Variants in PRKAA1 observed in about 807,000 individuals in gnomAD.
PRKAA1 encodes the protein 5'-AMP-activated protein kinase catalytic subunit alpha-1.
A neutral mutation model predicts 56.9 loss-of-function variants in PRKAA1; 23 were observed. The observed-to-expected ratio is 0.40, with a 90% confidence interval of 0.29 to 0.57. The LOEUF is 0.57. Ranked by LOEUF, PRKAA1 falls within the 20% of genes least tolerant of loss-of-function variation. The probability of loss-of-function intolerance (pLI) is 0.39; values close to 1 mark genes in which losing one functional copy is unlikely to be tolerated. For synonymous variants in PRKAA1, 226 were observed against 227.0 expected, an observed-to-expected ratio of 1.00 and a Z score of 0.04; for missense variants, 413 against 679.7, an observed-to-expected ratio of 0.61 and a Z score of 4.36.
intron 1 of PRKAA1, among the ~76,000 whole-genome samples, chr5:40,790,373 C>T (rs564770737): frequency 7.2e-5 from 11 of 152,344 alleles, no homozygotes; most frequent in African/African-American, 2.4e-4. Context: ...TGAGTATCAA[C>T]TGCTCCTTAT....
At chr5:40,763,073 A>AT in intron 8 of PRKAA1, 51 bp from the exon 9 acceptor site, 3 of 1,588,000 alleles carry the variant, frequency 1.9e-6, no homozygotes, top group Non-Finnish European at 2.6e-6. Context: ...TCTCCCAAAA[A>AT]TTTTTGTAAC....
rs1464850293 is a variant in PRKAA1, at chr5:40,760,639, T to G, written c.*2139A>C. ...GGAACTTCTATTACTTTGTACAGCT[T>G]TCAAATTAGAAGTTGAATAGAACAA... On this transcript the variant is annotated 3_prime_UTR_variant, in exon 9 of 9. Transcript: ENST00000397128. 1 of 152,714 alleles carries G rather than the reference T, an allele frequency of 6.5e-6. No individual in the cohort carries two copies. The highest frequency in any genetic ancestry group is 1.5e-5 in the Non-Finnish European group (1 of 67,988). 9.5% of individuals were successfully genotyped at this position (152,714 alleles called of 1,614,324 possible). A position where few individuals can be genotyped will look rare whatever the true frequency, so the allele number is the denominator to read the frequency against.
chr5:40,772,908 C>T (rs1561173254), intron 3 of PRKAA1, among the ~76,000 whole-genome samples: 1 of 152,212 alleles, frequency 6.6e-6, no homozygotes, highest in Non-Finnish European at 1.5e-5. Context: ...GCTGAGATTA[C>T]AGACATGTGC....
At chr5:40,773,068 G>A (rs768532645) in intron 3 of PRKAA1, among the ~76,000 whole-genome samples, 3 of 152,138 alleles carry the variant, frequency 2.0e-5, no homozygotes, top group Non-Finnish European at 2.9e-5. Context: ...TCCTCTAGGC[G>A]AAGGACTCCA....
At chr5:40,793,523 A>G (rs1327535635) in intron 1 of PRKAA1, among the ~76,000 whole-genome samples, 3 of 152,238 alleles carry the variant, frequency 2.0e-5, no homozygotes, top group South Asian at 2.1e-4. Flanking sequence ...CTGCATATCA[A>G]TATCATATAT....
At chr5:40,789,961 T>C (rs1489164897) in intron 1 of PRKAA1, 1 of 152,226 alleles carries the variant, frequency 6.6e-6, no homozygotes, top group African/African-American at 2.4e-5. Context: ...GGAATGGCCT[T>C]CATTGGTTGC....
At chr5:40,785,944 A>AC (rs1744462504) in intron 1 of PRKAA1, among the ~76,000 whole-genome samples, 1 of 151,946 alleles carries the variant, frequency 6.6e-6, no homozygotes, top group Non-Finnish European at 1.5e-5. Flanking sequence ...AAACCAAGGA[A>AC]CATCAGGAGC....
intron 2 of PRKAA1, among the ~76,000 whole-genome samples, chr5:40,776,036 G>A (rs1332250311): frequency 1.3e-5 from 2 of 152,176 alleles, no homozygotes; most frequent in African/African-American, 2.4e-5. Flanking sequence ...AAAAGCTATC[G>A]TACGTTTTAA....
Position 40,762,622 on chromosome 5 carries a change from T to C in PRKAA1, c.*156A>G. ...TAATTCATTTCTGCATATTAGGCTT[T>C]TAACTATAAATCATGTTCCAATCCC... On this transcript the variant is annotated 3_prime_UTR_variant, in exon 9 of 9. Coordinates refer to ENST00000397128, the MANE Select transcript of PRKAA1 (RefSeq NM_006251.6). The C allele has an allele frequency of 1.1e-6, 1 of 914,732 alleles. No homozygotes were observed. The highest frequency in any genetic ancestry group is 1.6e-6 in the Non-Finnish European group (1 of 624,338). 56.7% of individuals were successfully genotyped at this position (914,732 alleles called of 1,614,324 possible). A position where few individuals can be genotyped will look rare whatever the true frequency, so the allele number is the denominator to read the frequency against.
chr5:40,773,841 T>C (rs566374265), intron 3 of PRKAA1, among the ~76,000 whole-genome samples: 1 of 152,206 alleles, frequency 6.6e-6, no homozygotes, highest in Non-Finnish European at 1.5e-5. Context: ...TTTACTCTAG[T>C]AAGGCTGAAC....
chr5:40,763,138 TTATTCTAAA>T, intron 8 of PRKAA1, 116 bp from the exon 9 acceptor site: 1 of 926,800 alleles, frequency 1.1e-6, no homozygotes, highest in Non-Finnish European at 1.6e-6. Context: ...AAGAGCACGC[TTATTCTAAA>T]TACCTTCTAA....
At chr5:40,788,147 C>G (rs1333946114) in intron 1 of PRKAA1, among the ~76,000 whole-genome samples, 1 of 152,194 alleles carries the variant, frequency 6.6e-6, no homozygotes, top group Non-Finnish European at 1.5e-5. Flanking sequence ...GTAATTAAAA[C>G]AGCACGGCAC....
At chr5:40,784,101 G>C (rs1744373131) in intron 1 of PRKAA1, among the ~76,000 whole-genome samples, 1 of 152,196 alleles carries the variant, frequency 6.6e-6, no homozygotes, top group Admixed American at 6.5e-5. Context: ...TATAGCAAGT[G>C]ATTGATAAAT....
chr5:40,783,166 T>A (rs1047472849), intron 1 of PRKAA1, among the ~76,000 whole-genome samples: 4 of 152,092 alleles, frequency 2.6e-5, no homozygotes, highest in African/African-American at 9.7e-5. Context: ...AGAATTTGAT[T>A]TAAAAGTTGA....
In PRKAA1 at chr5:40,769,436, T is replaced by C; in HGVS notation, c.576A>G (p.Ala192=). 1 of 1,609,936 alleles carries C rather than the reference T, an allele frequency of 6.2e-7. No homozygotes were observed. Among genetic ancestry groups the C allele is most frequent in the Non-Finnish European group, 8.5e-7 (1 of 1,177,144 alleles). Residue 192 remains alanine (A), a synonymous_variant, in exon 5 of 9, where the codon GCA becomes GCG. Coordinates refer to ENST00000397128, the MANE Select transcript of PRKAA1 (RefSeq NM_006251.6). ...ACTACCTTCCTGAAATTACTTCTGGTGCAGCATAGTTGGGTGAGCCACAAC... is the reference window on the plus strand; with the variant it reads ...ACTACCTTCCTGAAATTACTTCTGGCGCAGCATAGTTGGGTGAGCCACAAC... ...RTSCGSPNYA[A]PEVISGRLYA... is the part of the protein sequence containing the mutation.
chr5:40,768,260 T>C lies in PRKAA1; in HGVS notation c.597-570A>G, dbSNP rs1417500586. The C allele has an allele frequency of 5.6e-5, 14 of 252,080 alleles. No individual in the cohort carries two copies. In the South Asian group the frequency reaches 1.8e-3, roughly 32 times the overall value. 15.6% of individuals were successfully genotyped at this position (252,080 alleles called of 1,614,324 possible). A position where few individuals can be genotyped will look rare whatever the true frequency, so the allele number is the denominator to read the frequency against. ...CAGGAAAAGGATTTCTTTAAATTTA[T>C]GTACTGCTGAACTGATCGATAAATA... On this transcript the variant is annotated intron_variant, in intron 5 of 8. Transcript: ENST00000397128.
intron 1 of PRKAA1, among the ~76,000 whole-genome samples, chr5:40,780,896 T>C (rs1407118346): frequency 6.6e-6 from 1 of 152,178 alleles, no homozygotes; most frequent in African/African-American, 2.4e-5. Context: ...AACAAGTTTC[T>C]AGGTATTTCT....
At chr5:40,769,573 A>G (rs1743624285) in intron 4 of PRKAA1, 70 bp from the exon 5 acceptor site, 1 of 1,232,894 alleles carries the variant, frequency 8.1e-7, no homozygotes. Flanking sequence ...ATTAAACAAT[A>G]AAATTGAGTT....
At position 40,798,129 on chromosome 5, in the gene PRKAA1, G is replaced by C; in HGVS notation, c.61C>G (p.Arg21Gly). 1 of 1,603,772 alleles carries C rather than the reference G, an allele frequency of 6.2e-7. No homozygotes were observed. The highest frequency in any genetic ancestry group is 8.5e-7 in the Non-Finnish European group (1 of 1,174,284). ...AGAATGTAGTGGCCGATCTTCACCC[G>C]CCCGTCGTGTTTCTGCTTCTCGGCT... The part of the protein sequence containing the change: ...ATAEKQKHDG[R>G]VKIGHYILGD... Residue 21 changes from arginine (R) to glycine (G), a missense_variant, in exon 1 of 9, where the codon CGG becomes GGG. Physicochemically the swap from Arg to Gly is moderately radical, Grantham distance 125. Around this residue, in one of 9 missense-constraint regions of PRKAA1, gnomAD observed 61 missense variants for 73.1 expected, o/e 0.83. Coordinates refer to ENST00000397128, the MANE Select transcript of PRKAA1 (RefSeq NM_006251.6).
Sources: gnomAD v4.1 joint callset for allele counts (sites outside exome capture counted in the v4.1 genomes callset) on GRCh38, gnomAD v4.1.1 for gene constraint, gnomAD v4.1.1 regional missense constraint, MANE v1.5 for transcripts, NCBI Gene and HGNC (gene_info 2026-07-23, HGNC 2026-07-21) for gene names.